GAD2: variants seen among roughly 807,000 people sequenced by gnomAD.
GAD2 encodes the protein 65 kDa glutamic acid decarboxylase.
A neutral mutation model predicts 80.1 loss-of-function variants in GAD2; 22 were observed. The observed-to-expected ratio is 0.27, with a 90% confidence interval of 0.20 to 0.39. GAD2 has a LOEUF of 0.39. Among genes scored for constraint, GAD2 ranks in the 10% least tolerant of loss-of-function variants. GAD2 has a pLI of 1.00. For missense variants in GAD2, 624 were observed against 738.4 expected (o/e 0.85, Z 1.80); for synonymous variants, 274 against 256.9 (o/e 1.07, Z -0.64).
chr10:26,218,666 A>G (rs8190598), intron 3 of GAD2, among the ~76,000 whole-genome samples: 30,146 of 151,962 alleles, frequency 0.2, 3,190 homozygotes, highest in East Asian at 0.32. Flanking sequence ...GCCCGAAGGC[A>G]TTCGAGACAA....
At chr10:26,218,138 C>T (rs1844404939) in intron 3 of GAD2, 147 bp downstream of exon 3, 1 of 876,370 alleles carries the variant, frequency 1.1e-6, no homozygotes, top group Non-Finnish European at 1.7e-6. Context: ...CAGATAAAAG[C>T]GAGAAATGCG....
At chr10:26,288,074 T>C (rs1173184789) in intron 13 of GAD2, among the ~76,000 whole-genome samples, 2 of 152,228 alleles carry the variant, frequency 1.3e-5, no homozygotes, top group South Asian at 2.1e-4. Context: ...TAAATTACTT[T>C]AAGCAGTTTA....
intron 11 of GAD2, among the ~76,000 whole-genome samples, chr10:26,279,455 G>C (rs1388568892): frequency 6.6e-6 from 1 of 152,150 alleles, no homozygotes; most frequent in Non-Finnish European, 1.5e-5. Flanking sequence ...GCGTAGCTGG[G>C]GCTCACCCCA....
chr10:26,228,766 G>A (rs1356247964), intron 6 of GAD2, among the ~76,000 whole-genome samples: 1 of 152,180 alleles, frequency 6.6e-6, no homozygotes, highest in African/African-American at 2.4e-5. Context: ...GATGTGAGGT[G>A]GAACAGTTTC....
upstream of GAD2, chr10:26,216,683 G>T (rs954219798): frequency 1.7e-6 from 1 of 590,134 alleles, no homozygotes; most frequent in Middle Eastern, 4.7e-4. The surrounding 1 kb of genome is among the most constrained non-coding windows in gnomAD (Gnocchi z 4.7). Flanking sequence ...TCGCCGCTCG[G>T]CCCCGCCGGT....
rs149974773 is a variant in GAD2, at chr10:26,262,031, T to C, written c.921-7088T>C. Among the ~76,000 whole-genome samples the C allele has an allele frequency of 2.2e-3, 340 of 152,292 alleles. 3 individuals are homozygous for C. Among genetic ancestry groups the C allele is most frequent in the African/African-American group, 8.0e-3 (332 of 41,586 alleles). On this transcript the variant is annotated intron_variant, in intron 8 of 15. Coordinates refer to ENST00000376261, the MANE Select transcript of GAD2 (RefSeq NM_001134366.2). ...TCTAATATTATATTTAGGATTATTA[T>C]AGCTACATTTGTAAAATGTATCTAT... is the stretch of plus-strand genomic sequence containing the variant.
intron 8 of GAD2, among the ~76,000 whole-genome samples, chr10:26,251,387 T>C (rs1384487136): frequency 6.6e-6 from 1 of 152,210 alleles, no homozygotes; most frequent in African/African-American, 2.4e-5. Context: ...GCTCCAGCAC[T>C]AGCCTGGGCA....
chr10:26,218,083 C>A (rs965742104), intron 3 of GAD2, 92 bp downstream of exon 3: 35 of 1,365,108 alleles, frequency 2.6e-5, no homozygotes, highest in Non-Finnish European at 3.1e-5. Flanking sequence ...GAGAGCCGGA[C>A]AGGGGCGTCG....
chr10:26,277,064 C>A (rs1466267056), intron 11 of GAD2, among the ~76,000 whole-genome samples: 1 of 152,114 alleles, frequency 6.6e-6, no homozygotes, highest in Non-Finnish European at 1.5e-5. Flanking sequence ...GATTGGAGAG[C>A]ACAGAGAAAG....
At chr10:26,223,046 T>C (rs1265083815) in intron 4 of GAD2, among the ~76,000 whole-genome samples, 5 of 152,224 alleles carry the variant, frequency 3.3e-5, no homozygotes, top group Non-Finnish European at 5.9e-5. Context: ...TTTTAAATAA[T>C]AGCCTCAGGA....
At chr10:26,291,459 T>C (rs531916606) in intron 13 of GAD2, among the ~76,000 whole-genome samples, 1 of 152,162 alleles carries the variant, frequency 6.6e-6, no homozygotes, top group South Asian at 2.1e-4. Context: ...CCATTTGATA[T>C]CTCCAGGGCA....
intron 8 of GAD2, among the ~76,000 whole-genome samples, chr10:26,260,117 TTTG>T (rs1564665088): frequency 6.6e-6 from 1 of 152,202 alleles, no homozygotes; most frequent in Non-Finnish European, 1.5e-5. Context: ...TGATTAGAAA[TTTG>T]TTTTTTACAT....
chr10:26,261,022 T>A lies in GAD2; in HGVS notation c.921-8097T>A, dbSNP rs565574384. Among the ~76,000 whole-genome samples the A allele has an allele frequency of 4.6e-5, 7 of 152,346 alleles. No homozygotes were observed. The East Asian group carries it at 1.3e-3, about 29-fold the overall frequency. On this transcript the variant is annotated intron_variant, in intron 8 of 15. Transcript: ENST00000376261. ...TAGGGTATCCATCCCCTCAAGCATT[T>A]ATCCTTGCAAAGTTGAGTATTTTAT...
chr10:26,235,382 C>A lies in GAD2; in HGVS notation c.840+5605C>A, dbSNP rs80025692. Among the ~76,000 whole-genome samples, 406 of 152,174 alleles carry A rather than the reference C, an allele frequency of 2.7e-3. 5 individuals are homozygous for A. The highest frequency in any genetic ancestry group is 9.3e-3 in the African/African-American group (388 of 41,514). ...AGAGCCATTTTGTTTTCTAAATGAC[C>A]CTTCACTCTGTCTCTGTTGCACCCC... On this transcript the variant is annotated intron_variant, in intron 7 of 15. Coordinates refer to ENST00000376261, the MANE Select transcript of GAD2 (RefSeq NM_001134366.2).
Position 26,219,144 on chromosome 10 carries a change from A to T in GAD2, c.388A>T (p.Thr130Ser). ...QYVVKSFDRS[T>S]KVIDFHYPNE... ...TGTGGTGAAAAGTTTCGATAGATCA[A>T]CCAAAGTGATTGATTTCCATTATCC... The change falls in exon 4 of 16, where the codon ACC (threonine) becomes TCC (serine). Residue 130 changes from threonine to serine, a missense_variant. By Grantham distance (58) the Thr-to-Ser change is moderately conservative (BLOSUM62 1). Transcript: ENST00000376261. 1 of 1,613,970 alleles carries T rather than the reference A, an allele frequency of 6.2e-7. No individual in the cohort carries two copies. Among genetic ancestry groups the T allele is most frequent in the African/African-American group, 1.3e-5 (1 of 75,056 alleles).
At chr10:26,260,215 T>G (rs2132298127) in intron 8 of GAD2, among the ~76,000 whole-genome samples, 1 of 152,344 alleles carries the variant, frequency 6.6e-6, no homozygotes, top group East Asian at 1.9e-4. Flanking sequence ...TGTTTATAAT[T>G]TATATTACTT....
intron 8 of GAD2, among the ~76,000 whole-genome samples, chr10:26,253,135 G>A (rs907981704): frequency 6.6e-6 from 1 of 152,240 alleles, no homozygotes; most frequent in East Asian, 1.9e-4. Flanking sequence ...CTTAAAAAAT[G>A]GAATAAGATA....
intron 8 of GAD2, among the ~76,000 whole-genome samples, chr10:26,264,625 T>G (rs1473663378): frequency 6.6e-6 from 1 of 152,164 alleles, no homozygotes; most frequent in Non-Finnish European, 1.5e-5. Flanking sequence ...TTTCAAGCTT[T>G]TAACCATAGT....
At chr10:26,284,564 C>CTTTTTTTTT (rs35046451) in intron 12 of GAD2, among the ~76,000 whole-genome samples, 7 of 93,156 alleles carry the variant, frequency 7.5e-5, no homozygotes, top group African/African-American at 1.2e-4. Context: ...GGCTGTTCAG[C>CTTTTTTTTT]TTTTTTTTTT....
Sources: allele counts gnomAD v4.1 joint callset (sites outside exome capture counted in the v4.1 genomes callset), GRCh38; gene constraint gnomAD v4.1.1; non-coding constraint Gnocchi (gnomAD v3.1); transcripts MANE v1.5; gene names NCBI Gene and HGNC (gene_info 2026-07-23, HGNC 2026-07-21).